Variants in KDM7A observed in about 807,000 individuals in gnomAD.
The protein encoded by KDM7A is lysine demethylase 7A, also known as lysine-specific demethylase 7A.
KDM7A carries 28 observed loss-of-function variants against 114.8 expected under a neutral mutation model. That is an observed-to-expected ratio of 0.24 (90% CI 0.18 to 0.33). KDM7A has a LOEUF of 0.33. Among genes scored for constraint, KDM7A ranks in the 10% least tolerant of loss-of-function variants. The probability of loss-of-function intolerance (pLI) is 1.00; values close to 1 mark genes in which losing one functional copy is unlikely to be tolerated. For synonymous variants in KDM7A, 423 were observed against 397.8 expected, an observed-to-expected ratio of 1.06 and a Z score of -0.75; for missense variants, 942 against 1,142.5, an observed-to-expected ratio of 0.82 and a Z score of 2.53.
chr7:140,099,192 C>T (rs963781796), intron 13 of KDM7A, among the ~76,000 whole-genome samples, 159 bp from the exon 14 acceptor site: 43 of 151,976 alleles, frequency 2.8e-4, no homozygotes, highest in Non-Finnish European at 2.2e-4. Context: ...ATCTGAGGTT[C>T]GTTTTTTGTT....
At chr7:140,134,811 AAT>A (rs900329497) in intron 2 of KDM7A, among the ~76,000 whole-genome samples, 21 of 152,260 alleles carry the variant, frequency 1.4e-4, no homozygotes, top group African/African-American at 4.8e-4. Context: ...ACATTTTCAC[AAT>A]ATGTTTTGGG....
intron 11 of KDM7A, among the ~76,000 whole-genome samples, chr7:140,104,203 G>C (rs933216024): frequency 5.9e-5 from 9 of 152,180 alleles, no homozygotes; most frequent in Admixed American, 4.6e-4. Flanking sequence ...TGTAGATGCT[G>C]GATATTAGCC....
intron 3 of KDM7A, among the ~76,000 whole-genome samples, chr7:140,131,068 C>T (rs930855599): frequency 4.0e-5 from 6 of 151,806 alleles, no homozygotes; most frequent in Non-Finnish European, 7.4e-5. Flanking sequence ...AGGGTTTCAC[C>T]GTGTTAGCCA....
In KDM7A at chr7:140,127,076, C is replaced by T. The variant is rs1334178610; in HGVS notation, c.702-253G>A. ...GCCGGGTTCGAGAGATCTCGTGCCT[C>T]AGCCTCTCTGAGTAGCTGGGATTAC... On this transcript the variant is annotated intron_variant, in intron 5 of 19. Coordinates refer to ENST00000397560, the MANE Select transcript of KDM7A (RefSeq NM_030647.2). 2.6e-5 allele frequency among the ~76,000 whole-genome samples: 4 copies of T among 152,196 alleles called. No individual in the cohort carries two copies. The East Asian group carries it at 7.7e-4, about 29-fold the overall frequency.
intron 8 of KDM7A, 51 bp from the exon 9 acceptor site, chr7:140,119,270 A>G (rs755450060): frequency 2.0e-6 from 2 of 1,008,660 alleles, no homozygotes; most frequent in South Asian, 3.2e-5. Context: ...TTTCAAAGTT[A>G]GATGAAAGTA....
chr7:140,092,169 G>A, intron 18 of KDM7A, 92 bp from the exon 19 acceptor site: 1 of 1,160,624 alleles, frequency 8.6e-7, no homozygotes, highest in Non-Finnish European at 1.2e-6. Flanking sequence ...AGTGAGAGAA[G>A]AAACAAACTA....
intron 1 of KDM7A, among the ~76,000 whole-genome samples, chr7:140,168,308 G>C (rs566624219): frequency 1.3e-5 from 2 of 152,254 alleles, no homozygotes; most frequent in East Asian, 3.9e-4. Context: ...GCTCATACCT[G>C]TAATCCCAGC....
chr7:140,091,261 G>T (rs1239108089), intron 19 of KDM7A, 73 bp from the exon 20 acceptor site: 6 of 1,016,402 alleles, frequency 5.9e-6, no homozygotes, highest in Admixed American at 1.7e-5. Context: ...AGACTACGGG[G>T]AGAGCTTTCT....
Position 140,086,574 on chromosome 7 carries a change from C to G in KDM7A, c.*4520G>C, listed in dbSNP as rs891919195. 2 of 152,148 alleles carry G rather than the reference C, an allele frequency of 1.3e-5. No individual in the cohort carries two copies. The highest frequency in any genetic ancestry group is 4.8e-5 in the African/African-American group (2 of 41,418). The allele number at this position is 152,148 out of a possible 1,614,324, so 9.4% of individuals were successfully genotyped here. On this transcript the variant is annotated 3_prime_UTR_variant, in exon 20 of 20. Coordinates refer to ENST00000397560, the MANE Select transcript of KDM7A (RefSeq NM_030647.2). ...TAGGAAGGCTACAGTATTAAGATTA[C>G]ATTACGTTCAACAGCAACAGAATGA...
rs906941364 is a variant in KDM7A at position 140,088,530 on chromosome 7, C to T, written c.*2564G>A. ...TCTATTACTGTTAAGCCCAGGTACT[C>T]GCAGCAGCTACCACAAAGTTCAGCC... On this transcript the variant is annotated 3_prime_UTR_variant, in exon 20 of 20. Transcript: ENST00000397560. 6.0e-5 allele frequency: 24 copies of T among 398,232 alleles called. No homozygotes were observed. The highest frequency in any genetic ancestry group is 8.0e-5 in the Non-Finnish European group (18 of 225,884). The allele number at this position is 398,232 out of a possible 1,614,324, so 24.7% of individuals were successfully genotyped here.
chr7:140,136,041 CCTCAAGCTCCTGGG>C (rs566413518), intron 2 of KDM7A, among the ~76,000 whole-genome samples: 101 of 152,244 alleles, frequency 6.6e-4, no homozygotes, highest in African/African-American at 2.1e-3. Context: ...TTCACTGCAG[CCTCAAGCTCCTGGG>C]CTCAAGCAAT....
chr7:140,112,439 A>G (rs973984856), intron 10 of KDM7A, among the ~76,000 whole-genome samples: 1 of 152,062 alleles, frequency 6.6e-6, no homozygotes, highest in African/African-American at 2.4e-5. Context: ...GCGAAACCTC[A>G]TTTCTACTAA....
At chr7:140,117,277 G>C (rs1818545818) in intron 9 of KDM7A, among the ~76,000 whole-genome samples, 1 of 152,182 alleles carries the variant, frequency 6.6e-6, no homozygotes, top group African/African-American at 2.4e-5. Context: ...CCATGTTTCT[G>C]AACTTTTGAT....
At position 140,085,339 on chromosome 7, in the gene KDM7A, T is replaced by G. The variant is rs1170660151; in HGVS notation, c.*5755A>C. The G allele has an allele frequency of 6.6e-6, 1 of 152,058 alleles. No homozygotes were observed. The highest frequency in any genetic ancestry group is 1.5e-5 in the Non-Finnish European group (1 of 68,010). The allele number at this position is 152,058 out of a possible 1,614,324, so 9.4% of individuals were successfully genotyped here. ...AATACCAGAGCCAACAACTGTCCCCTCTCCAAAGTTCACAGATTTGAAACC... is the reference window on the plus strand; with the variant it reads ...AATACCAGAGCCAACAACTGTCCCCGCTCCAAAGTTCACAGATTTGAAACC... On this transcript the variant is annotated 3_prime_UTR_variant, in exon 20 of 20. Transcript: ENST00000397560.
At chr7:140,129,394 C>A in intron 4 of KDM7A, 99 bp downstream of exon 4, 1 of 1,050,288 alleles carries the variant, frequency 9.5e-7, no homozygotes, top group Non-Finnish European at 1.4e-6. Context: ...GAGCAGAAAA[C>A]TAAATTGACA....
At chr7:140,095,901 A>G (rs562141585) in intron 17 of KDM7A, among the ~76,000 whole-genome samples, 1 of 151,924 alleles carries the variant, frequency 6.6e-6, no homozygotes, top group Non-Finnish European at 1.5e-5. Context: ...AATAAATAAT[A>G]AAAAAAATTA....
At chr7:140,143,416 T>A (rs1794307339) in intron 1 of KDM7A, among the ~76,000 whole-genome samples, 1 of 152,172 alleles carries the variant, frequency 6.6e-6, no homozygotes, top group Non-Finnish European at 1.5e-5. Context: ...GTATATTTTA[T>A]AATTATTGAT....
chr7:140,170,716 A>G lies in KDM7A; in HGVS notation c.194+6028T>C, dbSNP rs1486152844. 2.6e-5 allele frequency among the ~76,000 whole-genome samples: 4 copies of G among 152,186 alleles called. No homozygotes were observed. The South Asian group carries it at 6.2e-4, about 24-fold the overall frequency. ...TAAAACATTCGATAAGTGAGATTCG[A>G]TATTTATCTCTCTTTCCCTTCGAGA... On this transcript the variant is annotated intron_variant, in intron 1 of 19. Transcript: ENST00000397560.
chr7:140,162,607 G>C (rs2116851058), intron 1 of KDM7A, among the ~76,000 whole-genome samples: 1 of 132,666 alleles, frequency 7.5e-6, no homozygotes. Context: ...GTATATTTAA[G>C]CTCAAACTTC....
Sources: allele counts gnomAD v4.1 joint callset (sites outside exome capture counted in the v4.1 genomes callset), GRCh38; gene constraint gnomAD v4.1.1; transcripts MANE v1.5; gene names NCBI Gene and HGNC (gene_info 2026-07-23, HGNC 2026-07-21).